SAMD8: variants seen among roughly 807,000 people sequenced by gnomAD.
SAMD8 encodes sphingomyelin synthase-related protein 1.
A neutral mutation model predicts 42.0 loss-of-function variants in SAMD8; 20 were observed. That is an observed-to-expected ratio of 0.48 (90% CI 0.34 to 0.69). SAMD8 has a LOEUF of 0.69. Among genes scored for constraint, SAMD8 ranks in the 30% least tolerant of loss-of-function variants. The pLI, the probability that SAMD8 is intolerant of heterozygous loss-of-function variation, is 0.01. For synonymous variants in SAMD8, 162 were observed against 173.0 expected, an observed-to-expected ratio of 0.94 and a Z score of 0.50; for missense variants, 328 against 511.6, an observed-to-expected ratio of 0.64 and a Z score of 3.46.
chr10:75,154,804 A>T (rs984248245), intron 2 of SAMD8, among the ~76,000 whole-genome samples: 1 of 152,208 alleles, frequency 6.6e-6, no homozygotes, highest in African/African-American at 2.4e-5. Flanking sequence ...ATATTTTGAA[A>T]TTAGAAAATT....
chr10:75,170,471 G>T (rs1207273424), intron 4 of SAMD8, among the ~76,000 whole-genome samples: 7 of 152,254 alleles, frequency 4.6e-5, no homozygotes, highest in African/African-American at 1.7e-4. Context: ...TGACCAGTAA[G>T]AAAGGGGGAA....
chr10:75,162,501 T>C (rs1234830024), intron 2 of SAMD8, among the ~76,000 whole-genome samples: 1 of 151,248 alleles, frequency 6.6e-6, no homozygotes, highest in Admixed American at 6.6e-5. Flanking sequence ...AATACACAAT[T>C]AGCCGGGCCT....
chr10:75,171,005 C>T (rs1367670647), intron 4 of SAMD8, among the ~76,000 whole-genome samples: 1 of 151,622 alleles, frequency 6.6e-6, no homozygotes, highest in Admixed American at 6.6e-5. Flanking sequence ...AGGTGATCCA[C>T]CCGCCTTGGC....
chr10:75,175,908 T>G (rs1319809863), intron 4 of SAMD8, 158 bp from the exon 5 acceptor site: 1 of 985,384 alleles, frequency 1.0e-6, no homozygotes, highest in Non-Finnish European at 1.2e-6. Flanking sequence ...CACCCATTCT[T>G]GAAGTCTGGC....
intron 1 of SAMD8, among the ~76,000 whole-genome samples, chr10:75,147,514 G>A (rs1030635317): frequency 6.6e-6 from 1 of 151,958 alleles, no homozygotes; most frequent in Non-Finnish European, 1.5e-5. Flanking sequence ...TTTTAGTAGA[G>A]ACGGGGTTTC....
chr10:75,172,987 T>A (rs1029589169), intron 4 of SAMD8, among the ~76,000 whole-genome samples: 6 of 151,926 alleles, frequency 3.9e-5, no homozygotes, highest in African/African-American at 1.5e-4. Context: ...AAAGAGAAAA[T>A]TTTCCATAGC....
At chr10:75,168,786 A>C (rs1840756267) in intron 4 of SAMD8, 128 bp downstream of exon 4, 3 of 617,586 alleles carry the variant, frequency 4.9e-6, no homozygotes, top group South Asian at 1.9e-5. Context: ...TATAAAAAAA[A>C]CTATAGAAAT....
intron 1 of SAMD8, among the ~76,000 whole-genome samples, chr10:75,129,527 C>A (rs542936294): frequency 6.6e-6 from 1 of 152,136 alleles, no homozygotes; most frequent in South Asian, 2.1e-4. Flanking sequence ...TGTGAGCCAC[C>A]GCACCCGGCC....
intron 1 of SAMD8, among the ~76,000 whole-genome samples, chr10:75,120,944 C>T (rs1848992820): frequency 6.6e-6 from 1 of 151,880 alleles, no homozygotes; most frequent in Non-Finnish European, 1.5e-5. Context: ...CCACACCTGG[C>T]TAATTTTTGT....
At chr10:75,103,976 C>T (rs1848337876) in intron 1 of SAMD8, 1 of 1,340,788 alleles carries the variant, frequency 7.5e-7, no homozygotes, top group Non-Finnish European at 9.9e-7. Flanking sequence ...AGGGCCGACC[C>T]CACGCTGGGC....
chr10:75,173,954 T>C (rs987574602), intron 4 of SAMD8, among the ~76,000 whole-genome samples: 1 of 152,350 alleles, frequency 6.6e-6, no homozygotes, highest in Admixed American at 6.5e-5. Context: ...ATAGGATTGC[T>C]GTGGAAATTA....
Position 75,122,610 on chromosome 10 carries a change from C to T in SAMD8, c.-16+10888C>T, listed in dbSNP as rs561573606. ...ACTGAATGATAGACGGAGACTCTGT[C>T]TCAAAAAAAAAAAAAAAAAATTCTT... On this transcript the variant is annotated intron_variant, in intron 1 of 5. Coordinates refer to ENST00000542569, the MANE Select transcript of SAMD8 (RefSeq NM_001174156.2). Among the ~76,000 whole-genome samples the T allele has an allele frequency of 3.8e-3, 501 of 130,406 alleles. 3 individuals carry two copies. Among genetic ancestry groups the T allele is most frequent in the Non-Finnish European group, 5.2e-3 (327 of 63,202 alleles). The allele number at this position is 130,406 out of a possible 152,430, so 85.6% of individuals were successfully genotyped here. A position where few individuals can be genotyped will look rare whatever the true frequency, so the allele number is the denominator to read the frequency against.
At chr10:75,101,844 C>T (rs370942205) in intron 1 of SAMD8, 6 of 1,362,524 alleles carry the variant, frequency 4.4e-6, no homozygotes, top group East Asian at 9.1e-5. Flanking sequence ...CCTACCCCCC[C>T]CAAATTAGGA....
intron 4 of SAMD8, among the ~76,000 whole-genome samples, chr10:75,175,310 A>AT (rs1840966850): frequency 6.6e-6 from 1 of 152,142 alleles, no homozygotes. Context: ...TATATTTGAG[A>AT]TTGTGTTACC....
chr10:75,145,971 T>G (rs997084612), intron 1 of SAMD8, among the ~76,000 whole-genome samples: 5 of 152,164 alleles, frequency 3.3e-5, no homozygotes, highest in African/African-American at 1.2e-4. Context: ...CTTGGTTAGT[T>G]TCCTTACATA....
intron 1 of SAMD8, among the ~76,000 whole-genome samples, chr10:75,129,341 A>G (rs896469405): frequency 5.3e-5 from 8 of 152,114 alleles, no homozygotes; most frequent in African/African-American, 1.7e-4. Flanking sequence ...CCCTGGTTCA[A>G]GTGATTCTCC....
upstream of SAMD8, chr10:75,109,008 C>T (rs986355719): frequency 3.7e-6 from 6 of 1,600,828 alleles, no homozygotes; most frequent in Non-Finnish European, 5.1e-6. Flanking sequence ...CTACCACTCA[C>T]GCATCTCCTA....
At chr10:75,126,292 A>G (rs1004143327) in intron 1 of SAMD8, among the ~76,000 whole-genome samples, 10 of 152,168 alleles carry the variant, frequency 6.6e-5, no homozygotes, top group Admixed American at 5.2e-4. Context: ...AATTAGATAA[A>G]TATCCACTTT....
At chr10:75,123,224 T>C (rs1239220779) in intron 1 of SAMD8, among the ~76,000 whole-genome samples, 1 of 111,748 alleles carries the variant, frequency 8.9e-6, no homozygotes, top group African/African-American at 3.4e-5. Context: ...GTGCAGGGGG[T>C]TGGGCGGGTA....
Sources: allele counts gnomAD v4.1 joint callset (sites outside exome capture counted in the v4.1 genomes callset), GRCh38; gene constraint gnomAD v4.1.1; transcripts MANE v1.5; gene names NCBI Gene and HGNC (gene_info 2026-07-23, HGNC 2026-07-21).